The following RHOBTB1 variants were observed in gnomAD, a reference collection of about 807,000 sequenced individuals.
The protein encoded by RHOBTB1 is Rho related BTB domain containing 1.
RHOBTB1 carries 40 observed loss-of-function variants against 71.6 expected under a neutral mutation model. The observed-to-expected ratio is 0.56, with a 90% CI of 0.43 to 0.73. The LOEUF (loss-of-function observed/expected upper bound fraction) is 0.73. Ranked by LOEUF, RHOBTB1 falls within the 30% of genes least tolerant of loss-of-function variation. The probability of loss-of-function intolerance (pLI) is 0.00; values close to 1 mark genes in which losing one functional copy is unlikely to be tolerated. For missense variants in RHOBTB1, 797 were observed against 894.0 expected, an observed-to-expected ratio of 0.89 and a Z score of 1.38; for synonymous variants, 319 against 334.9, an observed-to-expected ratio of 0.95 and a Z score of 0.52.
At chr10:60,944,563 C>G (rs2085133204), upstream of RHOBTB1, among the ~76,000 whole-genome samples, 1 of 152,172 alleles carries the variant, frequency 6.6e-6, no homozygotes, top group Non-Finnish European at 1.5e-5. Context: ...TCTGTGTCCC[C>G]GTACCCCTGC....
chr10:60,885,333 AAGAC>A (rs2081519590), intron 7 of RHOBTB1, among the ~76,000 whole-genome samples: 1 of 152,180 alleles, frequency 6.6e-6, no homozygotes, highest in Non-Finnish European at 1.5e-5. Context: ...AACAACAAGA[AAGAC>A]AAAGACACAG....
intron 1 of RHOBTB1, among the ~76,000 whole-genome samples, chr10:60,996,422 A>T (rs1393224329): frequency 2.6e-5 from 4 of 152,120 alleles, no homozygotes; most frequent in African/African-American, 9.7e-5. Flanking sequence ...TTTAAGGCCT[A>T]GTTCAACTAT....
chr10:60,982,930 G>A (rs1482336410), intron 2 of RHOBTB1, among the ~76,000 whole-genome samples: 2 of 152,064 alleles, frequency 1.3e-5, no homozygotes, highest in Non-Finnish European at 2.9e-5. Flanking sequence ...GCAGTGGGAG[G>A]GAAAGGCGGT....
chr10:60,944,244 C>G (rs961531837), upstream of RHOBTB1: 5 of 152,300 alleles, frequency 3.3e-5, no homozygotes, highest in South Asian at 4.1e-4. Flanking sequence ...CCTGCCCCCA[C>G]CCCGCTCCCA....
At chr10:60,902,641 T>C (rs898926034) in intron 4 of RHOBTB1, among the ~76,000 whole-genome samples, 3 of 152,312 alleles carry the variant, frequency 2.0e-5, no homozygotes, top group African/African-American at 7.2e-5. Context: ...TGTAACTCTC[T>C]CCTTTTTCTC....
intron 5 of RHOBTB1, among the ~76,000 whole-genome samples, chr10:60,891,334 C>CTTTTTTTTTTTTTTTT (rs756153141): frequency 2.8e-5 from 2 of 71,322 alleles, no homozygotes; most frequent in Non-Finnish European, 4.9e-5. Flanking sequence ...TTGCTGTTTG[C>CTTTTTTTTTTTTTTTT]TTTTTTTTTT....
At position 60,886,086 on chromosome 10, in the gene RHOBTB1, C is replaced by A. The variant is rs771919845; in HGVS notation, c.1575+26G>T. On this transcript the variant is annotated intron_variant, in intron 7 of 10. Transcript: ENST00000337910. ...GGCACACATACATTCATAAAGACAC[C>A]ACTATGCTTTTAGGAAGGCACGTAC... 9.9e-6 allele frequency: 15 copies of A among 1,508,454 alleles called. No individual in the cohort carries two copies. The Admixed American group carries it at 1.3e-4, about 13-fold the overall frequency. The allele number at this position is 1,508,454 out of a possible 1,614,324, so 93.4% of individuals were successfully genotyped here.
chr10:60,938,695 C>G (rs921909249), intron 2 of RHOBTB1, among the ~76,000 whole-genome samples: 2 of 152,122 alleles, frequency 1.3e-5, no homozygotes, highest in African/African-American at 4.8e-5. Flanking sequence ...CAAGAGTAAC[C>G]TGGAATGAAA....
intron 2 of RHOBTB1, among the ~76,000 whole-genome samples, chr10:60,981,681 AT>A (rs2086500532): frequency 6.6e-6 from 1 of 152,200 alleles, no homozygotes; most frequent in East Asian, 1.9e-4. Flanking sequence ...ATATTAGCTT[AT>A]TTTATAAAGT....
intron 5 of RHOBTB1, among the ~76,000 whole-genome samples, chr10:60,890,492 G>T (rs757594805): frequency 2.6e-5 from 4 of 152,054 alleles, no homozygotes; most frequent in Admixed American, 1.3e-4. Context: ...CAAATCTTTG[G>T]AAACAGTAGA....
chr10:60,926,812 T>C lies in RHOBTB1; in HGVS notation c.-11+14992A>G, dbSNP rs143978611. Reference sequence around the variant, plus strand: ...AAAAGTGAAAGCCTTTTTTCTAAGATCTGGAAGAAGACTAGCATGCCCACT... The same window carrying C: ...AAAAGTGAAAGCCTTTTTTCTAAGACCTGGAAGAAGACTAGCATGCCCACT... On this transcript the variant is annotated intron_variant, in intron 2 of 10. Coordinates refer to ENST00000337910, the MANE Select transcript of RHOBTB1 (RefSeq NM_014836.5). 4.5e-3 allele frequency among the ~76,000 whole-genome samples: 687 copies of C among 152,268 alleles called. 21 individuals carry two copies. Among genetic ancestry groups the C allele is most frequent in the Admixed American group, 0.04 (609 of 15,296 alleles).
At chr10:60,943,321 C>A (rs978347124) in intron 1 of RHOBTB1, among the ~76,000 whole-genome samples, 2 of 152,192 alleles carry the variant, frequency 1.3e-5, no homozygotes, top group African/African-American at 4.8e-5. Context: ...AGTTGCCTTC[C>A]ACTTCTTTTC....
At chr10:60,911,041 C>G in intron 3 of RHOBTB1, 51 bp from the exon 4 acceptor site, 1 of 1,478,544 alleles carries the variant, frequency 6.8e-7, no homozygotes, top group South Asian at 1.1e-5. Context: ...AGAAGTTCCC[C>G]AGGAGAAGCG....
At chr10:60,906,167 G>C (rs2082666237) in intron 4 of RHOBTB1, among the ~76,000 whole-genome samples, 1 of 152,202 alleles carries the variant, frequency 6.6e-6, no homozygotes, top group African/African-American at 2.4e-5. Context: ...GGGGATAAGG[G>C]CAAGTACAGT....
intron 9 of RHOBTB1, among the ~76,000 whole-genome samples, chr10:60,872,503 T>C (rs1233017393): frequency 7.9e-5 from 12 of 152,160 alleles, no homozygotes; most frequent in Non-Finnish European, 1.5e-5. Flanking sequence ...CCTGCTGTCA[T>C]AGGTGCACAA....
chr10:60,899,863 G>A (rs906549105), intron 4 of RHOBTB1, among the ~76,000 whole-genome samples: 2 of 152,288 alleles, frequency 1.3e-5, no homozygotes, highest in South Asian at 2.1e-4. Context: ...GCAGGGAAAG[G>A]GGACAGAGAT....
intron 4 of RHOBTB1, among the ~76,000 whole-genome samples, chr10:60,893,956 GA>G (rs1482963399): frequency 2.0e-5 from 3 of 152,120 alleles, no homozygotes. Context: ...CAAAGAATAA[GA>G]AAAGTTACGC....
downstream of RHOBTB1, among the ~76,000 whole-genome samples, chr10:60,866,671 G>A (rs1297643530): frequency 1.3e-5 from 2 of 152,032 alleles, no homozygotes; most frequent in Non-Finnish European, 2.9e-5. Context: ...CCAGAAGTGG[G>A]CTGACTTTAC....
At chr10:60,863,934 G>A in the RHOBTB1 span, among the ~76,000 whole-genome samples, 4 of 141,810 alleles carry the variant, frequency 2.8e-5, no homozygotes, top group East Asian at 1.9e-4. Context: ...AGGACTCCTC[G>A]TATGCTGCTG....
Sources: allele counts gnomAD v4.1 joint callset (sites outside exome capture counted in the v4.1 genomes callset), GRCh38; gene constraint gnomAD v4.1.1; transcripts MANE v1.5; gene names NCBI Gene and HGNC (gene_info 2026-07-23, HGNC 2026-07-21).